Variants in LIPT2 observed in about 807,000 individuals in gnomAD.
LIPT2 encodes the protein lipoyl(octanoyl) transferase 2, also known as octanoyl-[acyl-carrier-protein]:protein N-octanoyltransferase LIPT2, mitochondrial.
LIPT2 carries 16 observed loss-of-function variants against 16.2 expected under a neutral mutation model. That is an observed-to-expected ratio of 0.99 (90% CI 0.67 to 1.50). The LOEUF (loss-of-function observed/expected upper bound fraction) is 1.50, where lower values mean the gene tolerates loss of function less well. Ranked by LOEUF, LIPT2 falls within the 40% of genes most tolerant of loss-of-function variation. The probability of loss-of-function intolerance (pLI) is 0.00; values close to 1 mark genes in which losing one functional copy is unlikely to be tolerated. For missense variants in LIPT2, 424 were observed against 347.7 expected (o/e 1.22, Z -1.75); for synonymous variants, 199 against 169.3 (o/e 1.18, Z -1.36).
Position 74,493,523 on chromosome 11 carries a change from GC to G in LIPT2, c.180del (p.Leu61CysfsTer5). ...CEPAGPVYTA[G>X]LRGGLTPEET... ...TCCTCGGGCGTCAGGCCGCCGCGCA[GC>G]CCGGCCGTATACACGGGCCCCGCGG... is the stretch of plus-strand genomic sequence containing the variant. On this transcript the variant is annotated frameshift_variant, in exon 1 of 2. Transcript: ENST00000310109. LOFTEE classifies it high-confidence loss of function. 7.0e-7 allele frequency: 1 copy of G among 1,422,440 alleles called. No homozygotes were observed. Among genetic ancestry groups the G allele is most frequent in the South Asian group, 1.4e-5 (1 of 69,510 alleles). The allele number at this position is 1,422,440 out of a possible 1,614,324, so 88.1% of individuals were successfully genotyped here.
At position 74,493,683 on chromosome 11, in the gene LIPT2, C is replaced by G; in HGVS notation, c.21G>C (p.Arg7=). The change falls in exon 1 of 2, where the codon CGG becomes CGC. Residue 7 remains arginine, a synonymous_variant. Transcript: ENST00000310109. ...ACGGCACCCGACCCAGGCGCACCAA[C>G]CGAACGGCGGGTTGCCGCATCGTGC... is the stretch of plus-strand genomic sequence containing the variant. MRQPAV[R]LVRLGRVPYA... 1 of 1,392,504 alleles carries G rather than the reference C, an allele frequency of 7.2e-7. No homozygotes were observed. Among genetic ancestry groups the G allele is most frequent in the Non-Finnish European group, 9.3e-7 (1 of 1,078,932 alleles). 86.3% of individuals were successfully genotyped at this position (1,392,504 alleles called of 1,614,324 possible). A position where few individuals can be genotyped will look rare whatever the true frequency, so the allele number is the denominator to read the frequency against.
At chr11:74,492,422 G>T (rs1864362559) in intron 1 of LIPT2, 58 bp from the exon 2 acceptor site, 2 of 1,161,044 alleles carry the variant, frequency 1.7e-6, no homozygotes, top group Non-Finnish European at 2.5e-6. Flanking sequence ...GGGCTTTGGT[G>T]TCCCTCTCAG....
intron 1 of LIPT2, 121 bp downstream of exon 1, chr11:74,493,117 C>A: frequency 1.5e-6 from 1 of 646,598 alleles, no homozygotes; most frequent in Non-Finnish European, 2.3e-6. Context: ...GATTCAAAAC[C>A]CGCGCTAGAT....
chr11:74,493,594 T>C lies in LIPT2; in HGVS notation c.110A>G (p.Glu37Gly), dbSNP rs2135045952. Residue 37 changes from glutamate to glycine, a missense_variant, in exon 1 of 2, where the codon GAG (glutamate) becomes GGG (glycine). Physicochemically the swap from Glu to Gly is moderately conservative, Grantham distance 98. Transcript: ENST00000310109. ...GCCCGCCTCAGTCCCCGACGGGGCCTCAATGCCTGGCTCGGCCTGCAGCCG... is the reference window on the plus strand; with the variant it reads ...GCCCGCCTCAGTCCCCGACGGGGCCCCAATGCCTGGCTCGGCCTGCAGCCG... ...LRRLQAEPGI[E>G]APSGTEAGAL... The C allele has an allele frequency of 6.9e-7, 1 of 1,455,066 alleles. No homozygotes were observed. 90.1% of individuals were successfully genotyped at this position (1,455,066 alleles called of 1,614,324 possible). A position where few individuals can be genotyped will look rare whatever the true frequency, so the allele number is the denominator to read the frequency against.
At position 74,491,901 on chromosome 11, in the gene LIPT2, T is replaced by C. The variant is rs567252170; in HGVS notation, c.*234A>G. 5.6e-6 allele frequency: 3 copies of C among 533,892 alleles called. No homozygotes were observed. Among genetic ancestry groups the C allele is most frequent in the Admixed American group, 3.1e-5 (1 of 31,940 alleles). 33.1% of individuals were successfully genotyped at this position (533,892 alleles called of 1,614,324 possible). On this transcript the variant is annotated 3_prime_UTR_variant, in exon 2 of 2. Coordinates refer to ENST00000310109, the MANE Select transcript of LIPT2 (RefSeq NM_001144869.3). ...TGTCAATAGCAGTGCTAATGTTTTATATAGCATGTGTTGCTTTTCACAGTA... is the reference window on the plus strand; with the variant it reads ...TGTCAATAGCAGTGCTAATGTTTTACATAGCATGTGTTGCTTTTCACAGTA...
At position 74,491,279 on chromosome 11, in the gene LIPT2, C is replaced by G. The variant is rs1864330245; in HGVS notation, c.*856G>C. Among the ~76,000 whole-genome samples, 1 of 152,208 alleles carries G rather than the reference C, an allele frequency of 6.6e-6. No homozygotes were observed. The highest frequency in any genetic ancestry group is 2.4e-5 in the African/African-American group (1 of 41,440). On this transcript the variant is annotated 3_prime_UTR_variant, in exon 2 of 2. Coordinates refer to ENST00000310109, the MANE Select transcript of LIPT2 (RefSeq NM_001144869.3). ...GCCCAGCCAAGCCTTTGAATAAGTG[C>G]AGTTCCAGCTGACATCTTAACTGCA... is the stretch of plus-strand genomic sequence containing the variant.
chr11:74,493,404 G>T lies in LIPT2; in HGVS notation c.300C>A (p.His100Gln). Residue 100 changes from histidine to glutamine, a missense_variant, in exon 1 of 2, where the codon CAC becomes CAA. His to Gln is a conservative substitution (Grantham distance 24). Coordinates refer to ENST00000310109, the MANE Select transcript of LIPT2 (RefSeq NM_001144869.3). The stretch of plus-strand genomic sequence containing the variant: ...CGAGACGCCGCAGGTCGAGTACCGG[G>T]TGGCAAAGCAGCTGGCCCGGGCCGT... ...TFHGPGQLLC[H>Q]PVLDLRRLGL... 4 of 1,516,274 alleles carry T rather than the reference G, an allele frequency of 2.6e-6. No individual in the cohort carries two copies. The highest frequency in any genetic ancestry group is 3.5e-6 in the Non-Finnish European group (4 of 1,139,286). The allele number at this position is 1,516,274 out of a possible 1,614,324, so 93.9% of individuals were successfully genotyped here.
rs1864318127 is a variant in LIPT2, at chr11:74,490,671, G to C, written c.*1464C>G. ...AGCCCAGGAGTCTGAGACCAGCTTG[G>C]GCAACATAGCAAAGCCTCATTTCTT... On this transcript the variant is annotated 3_prime_UTR_variant, in exon 2 of 2. Transcript: ENST00000310109. Among the ~76,000 whole-genome samples the C allele has an allele frequency of 6.6e-6, 1 of 151,274 alleles. No individual in the cohort carries two copies. The highest frequency in any genetic ancestry group is 2.4e-5 in the African/African-American group (1 of 41,048).
rs1864389781 is a variant in LIPT2, at chr11:74,493,291, C to G, written c.413G>C (p.Arg138Pro). ...ELQGLQDARA[R>P]PPPYTGVWLD... The stretch of plus-strand genomic sequence containing the variant: ...CCAGACGCCAGTGTAGGGCGGGGGC[C>G]GCGCGCGGGCGTCCTGCAGGCCCTG... Residue 138 changes from arginine (R) to proline (P), a missense_variant, in exon 1 of 2, where the codon CGG becomes CCG. Transcript: ENST00000310109. 1.4e-6 allele frequency: 2 copies of G among 1,417,918 alleles called. No individual in the cohort carries two copies. The highest frequency in any genetic ancestry group is 3.0e-5 in the African/African-American group (2 of 66,848). The allele number at this position is 1,417,918 out of a possible 1,614,324, so 87.8% of individuals were successfully genotyped here.
In LIPT2 at chr11:74,493,662, C is replaced by A; in HGVS notation, c.42G>T (p.Val14=). ...PAVRLVRLGR[V]PYAELLGLQD... ...GCAGCCCCAGTAGCTCGGCGTACGG[C>A]ACCCGACCCAGGCGCACCAACCGAA... Residue 14 remains valine (V), a synonymous_variant, in exon 1 of 2, where the codon GTG becomes GTT. Coordinates refer to ENST00000310109, the MANE Select transcript of LIPT2 (RefSeq NM_001144869.3). The A allele has an allele frequency of 7.0e-7, 1 of 1,432,794 alleles. No homozygotes were observed. Among genetic ancestry groups the A allele is most frequent in the Admixed American group, 2.8e-5 (1 of 35,186 alleles). 88.8% of individuals were successfully genotyped at this position (1,432,794 alleles called of 1,614,324 possible).
rs931810614 is a variant in LIPT2 at position 74,490,912 on chromosome 11, T to C, written c.*1223A>G. ...TCCCCTGACTTCTCATTCGAGGCTC[T>C]TTCCACTCTTAATAGGCTGTGGTGG... On this transcript the variant is annotated 3_prime_UTR_variant, in exon 2 of 2. Transcript: ENST00000310109. Among the ~76,000 whole-genome samples, 5 of 152,228 alleles carry C rather than the reference T, an allele frequency of 3.3e-5. No homozygotes were observed. Among genetic ancestry groups the C allele is most frequent in the Admixed American group, 6.5e-5 (1 of 15,288 alleles).
At position 74,493,301 on chromosome 11, in the gene LIPT2, C is replaced by T. The variant is rs1178446888; in HGVS notation, c.403G>A (p.Ala135Thr). 1.4e-6 allele frequency: 2 copies of T among 1,428,226 alleles called. No individual in the cohort carries two copies. The highest frequency in any genetic ancestry group is 2.8e-5 in the South Asian group (2 of 71,160). 88.5% of individuals were successfully genotyped at this position (1,428,226 alleles called of 1,614,324 possible). The change falls in exon 1 of 2, where the codon GCC becomes ACC. Residue 135 changes from alanine (A) to threonine (T), a missense_variant. Transcript: ENST00000310109. ...GTGTAGGGCGGGGGCCGCGCGCGGGCGTCCTGCAGGCCCTGGAGCTCGCAC... is the reference window on the plus strand; with the variant it reads ...GTGTAGGGCGGGGGCCGCGCGCGGGTGTCCTGCAGGCCCTGGAGCTCGCAC... ...RLCELQGLQDARARPPPYTGV... is the reference protein window; with the variant it reads ...RLCELQGLQDTRARPPPYTGV...
At chr11:74,493,168 T>G in intron 1 of LIPT2, 70 bp downstream of exon 1, 1 of 1,191,704 alleles carries the variant, frequency 8.4e-7, no homozygotes, top group Non-Finnish European at 1.1e-6. Flanking sequence ...TCCAGCCCCG[T>G]CAGACCCCGC....
chr11:74,493,589 G>T lies in LIPT2; in HGVS notation c.115C>A (p.Pro39Thr). The T allele has an allele frequency of 6.9e-7, 1 of 1,453,912 alleles. No homozygotes were observed. The highest frequency in any genetic ancestry group is 9.0e-7 in the Non-Finnish European group (1 of 1,108,502). The allele number at this position is 1,453,912 out of a possible 1,614,324, so 90.1% of individuals were successfully genotyped here. The change falls in exon 1 of 2, where the codon CCG (proline) becomes ACG (threonine). Residue 39 changes from proline (P) to threonine (T), a missense_variant. Coordinates refer to ENST00000310109, the MANE Select transcript of LIPT2 (RefSeq NM_001144869.3). ...RLQAEPGIEAPSGTEAGALLL... is the reference protein window; with the variant it reads ...RLQAEPGIEATSGTEAGALLL... ...AGCGCGCCCGCCTCAGTCCCCGACGGGGCCTCAATGCCTGGCTCGGCCTGC... is the reference window on the plus strand; with the variant it reads ...AGCGCGCCCGCCTCAGTCCCCGACGTGGCCTCAATGCCTGGCTCGGCCTGC...
intron 1 of LIPT2, 57 bp from the exon 2 acceptor site, chr11:74,492,421 T>C: frequency 1.7e-6 from 2 of 1,195,704 alleles, no homozygotes; most frequent in Non-Finnish European, 2.4e-6. Flanking sequence ...CGGGCTTTGG[T>C]GTCCCTCTCA....
rs916502945 is a variant in LIPT2 at position 74,490,792 on chromosome 11, T to C, written c.*1343A>G. On this transcript the variant is annotated 3_prime_UTR_variant, in exon 2 of 2. Transcript: ENST00000310109. ...AGAAAATGTCAAATTACAATGTGGC[T>C]TGCATTGTATTTCTATTGAACAGCA... 1.3e-5 allele frequency among the ~76,000 whole-genome samples: 2 copies of C among 152,242 alleles called. No individual in the cohort carries two copies. The highest frequency in any genetic ancestry group is 4.8e-5 in the African/African-American group (2 of 41,468).
In LIPT2 at chr11:74,491,944, T is replaced by G. The variant is rs377442375; in HGVS notation, c.*191A>C. The G allele has an allele frequency of 1.0e-5, 6 of 585,500 alleles. No individual in the cohort carries two copies. Among genetic ancestry groups the G allele is most frequent in the Non-Finnish European group, 1.8e-5 (6 of 326,704 alleles). The allele number at this position is 585,500 out of a possible 1,614,324, so 36.3% of individuals were successfully genotyped here. ...TCACAGTATTGTCACATCTAGTATCTCTGAGGTAGGTGGGGAAGATATAAA... is the reference window on the plus strand; with the variant it reads ...TCACAGTATTGTCACATCTAGTATCGCTGAGGTAGGTGGGGAAGATATAAA... On this transcript the variant is annotated 3_prime_UTR_variant, in exon 2 of 2. Transcript: ENST00000310109.
rs779092814 is a variant in LIPT2 at position 74,493,426 on chromosome 11, C to T, written c.278G>A (p.Gly93Asp). 3 of 1,507,818 alleles carry T rather than the reference C, an allele frequency of 2.0e-6. No individual in the cohort carries two copies. The highest frequency in any genetic ancestry group is 1.2e-5 in the South Asian group (1 of 80,918). 93.4% of individuals were successfully genotyped at this position (1,507,818 alleles called of 1,614,324 possible). The change falls in exon 1 of 2, where the codon GGC (glycine) becomes GAC (aspartate). Residue 93 changes from glycine (G) to aspartate (D), a missense_variant. Physicochemically the swap from Gly to Asp is moderately conservative, Grantham distance 94. Transcript: ENST00000310109. Reference sequence around the variant, plus strand: ...CGGGTGGCAAAGCAGCTGGCCCGGGCCGTGGAAGGTGGCCAGGCCACCGCG... The same window carrying T: ...CGGGTGGCAAAGCAGCTGGCCCGGGTCGTGGAAGGTGGCCAGGCCACCGCG... ...TGRGGLATFH[G>D]PGQLLCHPVL...
In LIPT2 at chr11:74,493,708, C is replaced by T. The variant is rs866254827; in HGVS notation, c.-5G>A. On this transcript the variant is annotated 5_prime_UTR_variant, in exon 1 of 2. Coordinates refer to ENST00000310109, the MANE Select transcript of LIPT2 (RefSeq NM_001144869.3). ...CCGAACGGCGGGTTGCCGCATCGTG[C>T]CCACCGTTGCGTCCGCGGGGCCCCG... is the stretch of plus-strand genomic sequence containing the variant. 4 of 1,359,582 alleles carry T rather than the reference C, an allele frequency of 2.9e-6. No homozygotes were observed. Among genetic ancestry groups the T allele is most frequent in the Non-Finnish European group, 3.8e-6 (4 of 1,063,154 alleles). 84.2% of individuals were successfully genotyped at this position (1,359,582 alleles called of 1,614,324 possible).
Sources: allele counts gnomAD v4.1 joint callset (sites outside exome capture counted in the v4.1 genomes callset), GRCh38; gene constraint gnomAD v4.1.1; transcripts MANE v1.5; gene names NCBI Gene and HGNC (gene_info 2026-07-23, HGNC 2026-07-21).